Variants in SATB2 observed in about 807,000 individuals in gnomAD.
The protein encoded by SATB2 is DNA-binding protein SATB2.
In SATB2, 1 loss-of-function variant was observed where a neutral mutation model predicts 73.4. That is an observed-to-expected ratio of 0.01 (90% CI 0.00 to 0.06). The LOEUF is 0.06. SATB2 is among the 10% of genes least tolerant of loss of function. The pLI is 1.00. For synonymous variants in SATB2, 397 were observed against 367.0 expected (o/e 1.08, Z -0.93); for missense variants, 459 against 945.8 (o/e 0.49, Z 6.75).
chr2:199,433,893 C>T (rs1691576848), intron 2 of SATB2, among the ~76,000 whole-genome samples: 2 of 151,942 alleles, frequency 1.3e-5, no homozygotes, highest in South Asian at 2.1e-4. Flanking sequence ...TATTTCAAAG[C>T]TTCCAGTTGT....
At chr2:199,431,583 T>C (rs1445912455) in intron 3 of SATB2, among the ~76,000 whole-genome samples, 1 of 152,232 alleles carries the variant, frequency 6.6e-6, no homozygotes, top group Non-Finnish European at 1.5e-5. Flanking sequence ...TTTTGACTTG[T>C]TCCCTGTTTA....
intron 3 of SATB2, among the ~76,000 whole-genome samples, chr2:199,406,022 T>C (rs929262456): frequency 1.3e-5 from 2 of 152,116 alleles, no homozygotes; most frequent in Admixed American, 6.5e-5. Context: ...AAAAATACAG[T>C]ATAACACTTA....
upstream of SATB2, among the ~76,000 whole-genome samples, chr2:199,459,040 G>A (rs1692395900): frequency 6.6e-6 from 1 of 152,072 alleles, no homozygotes; most frequent in Admixed American, 6.5e-5. The surrounding 1 kb of genome is among the most constrained non-coding windows in gnomAD (Gnocchi z 4.2). Context: ...ATCCCTGGAT[G>A]GCATCGCTGG....
upstream of SATB2, chr2:199,468,380 T>G (rs1692633644): frequency 6.6e-6 from 1 of 152,190 alleles, no homozygotes; most frequent in Non-Finnish European, 1.5e-5. Context: ...GTGCACTTGT[T>G]TGTCCTAAAT....
chr2:199,380,351 T>C lies in SATB2; in HGVS notation c.597+13A>G. 1 of 1,613,894 alleles carries C rather than the reference T, an allele frequency of 6.2e-7. No homozygotes were observed. Among genetic ancestry groups the C allele is most frequent in the Non-Finnish European group, 8.5e-7 (1 of 1,179,794 alleles). ...TTCTTCTGTTTCCCAGACCCCCACC[T>C]GAAGATACTGACCTGGGAGAGAGGG... On this transcript the variant is annotated intron_variant, in intron 5 of 10. Coordinates refer to ENST00000417098, the MANE Select transcript of SATB2 (RefSeq NM_001172509.2).
At chr2:199,303,050 A>G (rs890217197) in intron 10 of SATB2, among the ~76,000 whole-genome samples, 1 of 152,210 alleles carries the variant, frequency 6.6e-6, no homozygotes. Context: ...AAGATCTCAT[A>G]AACAGCTCTG....
chr2:199,273,759 T>G (rs547593272), intron 10 of SATB2, among the ~76,000 whole-genome samples: 2 of 152,180 alleles, frequency 1.3e-5, no homozygotes, highest in Non-Finnish European at 2.9e-5. Context: ...AGTTTTCTAG[T>G]TGTAATTTAA....
chr2:199,412,406 A>C (rs1265151735), intron 3 of SATB2, among the ~76,000 whole-genome samples: 1 of 152,220 alleles, frequency 6.6e-6, no homozygotes, highest in Non-Finnish European at 1.5e-5. Flanking sequence ...CCCCAAATAA[A>C]GCTGAGAGAG....
At chr2:199,438,438 T>G (rs1015934289) in intron 2 of SATB2, among the ~76,000 whole-genome samples, 3 of 152,238 alleles carry the variant, frequency 2.0e-5, no homozygotes, top group Admixed American at 6.5e-5. Context: ...CACTCTTGGT[T>G]AAATTCCAAA....
intron 6 of SATB2, among the ~76,000 whole-genome samples, chr2:199,349,718 T>C (rs1688758333): frequency 6.6e-6 from 1 of 152,222 alleles, no homozygotes; most frequent in African/African-American, 2.4e-5. Context: ...CTATCTTTTT[T>C]ATAGAAATGT....
chr2:199,343,669 G>C (rs1197233981), intron 7 of SATB2, among the ~76,000 whole-genome samples: 2 of 152,150 alleles, frequency 1.3e-5, no homozygotes, highest in African/African-American at 2.4e-5. Context: ...TACACAACAG[G>C]TTATGATCCC....
intron 6 of SATB2, among the ~76,000 whole-genome samples, chr2:199,350,691 T>C (rs1318510299): frequency 2.0e-5 from 3 of 152,144 alleles, no homozygotes; most frequent in Admixed American, 1.3e-4. Context: ...TATCACCTTA[T>C]ATTTAGACAT....
intron 6 of SATB2, among the ~76,000 whole-genome samples, chr2:199,349,596 A>T (rs1463485054): frequency 6.6e-6 from 1 of 152,220 alleles, no homozygotes; most frequent in African/African-American, 2.4e-5. Context: ...ATCTCCTGCC[A>T]AATTAAGTGC....
Position 199,433,318 on chromosome 2 carries a change from G to A in SATB2, c.346+20C>T, listed in dbSNP as rs1403599984. On this transcript the variant is annotated intron_variant, in intron 3 of 10. Transcript: ENST00000417098. ...ATGACACACAAGAGACTTGGGAGGA[G>A]AGGGGAGAGGCATTAATACCTTGGG... 6.2e-7 allele frequency: 1 copy of A among 1,609,162 alleles called. No individual in the cohort carries two copies. The highest frequency in any genetic ancestry group is 1.7e-5 in the Admixed American group (1 of 59,862).
At chr2:199,291,555 C>G (rs1692860984) in intron 10 of SATB2, among the ~76,000 whole-genome samples, 1 of 152,082 alleles carries the variant, frequency 6.6e-6, no homozygotes. Flanking sequence ...TTGTCAGGGT[C>G]TCTATTGGAA....
In SATB2 at chr2:199,375,766, G is replaced by A. The variant is rs541815732; in HGVS notation, c.597+4598C>T. 9.8e-4 allele frequency among the ~76,000 whole-genome samples: 149 copies of A among 152,258 alleles called. 1 individual carries two copies. Among genetic ancestry groups the A allele is most frequent in the Admixed American group, 3.3e-3 (51 of 15,288 alleles). On this transcript the variant is annotated intron_variant, in intron 5 of 10. Transcript: ENST00000417098. ...CCACCTTTCTCACCTAAGGTGAGTAGTACTGGATGCCTCACTCTCTTCTTC... is the reference window on the plus strand; with the variant it reads ...CCACCTTTCTCACCTAAGGTGAGTAATACTGGATGCCTCACTCTCTTCTTC...
chr2:199,327,105 C>A (rs529651294), intron 8 of SATB2, among the ~76,000 whole-genome samples: 1 of 152,246 alleles, frequency 6.6e-6, no homozygotes, highest in African/African-American at 2.4e-5. Flanking sequence ...AGCAAAACAA[C>A]CTTTGGTTTT....
Position 199,432,772 on chromosome 2 carries a change from C to T in SATB2, c.346+566G>A, listed in dbSNP as rs115277220. On this transcript the variant is annotated intron_variant, in intron 3 of 10. Transcript: ENST00000417098. ...ACGGGCTCCCCAGTATTGTACAATA[C>T]GCACTGAAATAATGATGCAATTTTA... Among the ~76,000 whole-genome samples, 1,394 of 152,112 alleles carry T rather than the reference C, an allele frequency of 9.2e-3. 10 individuals carry two copies. Among genetic ancestry groups the T allele is most frequent in the Non-Finnish European group, 0.014 (979 of 67,992 alleles).
chr2:199,343,406 G>A (rs1688562945), intron 7 of SATB2, among the ~76,000 whole-genome samples: 3 of 152,218 alleles, frequency 2.0e-5, no homozygotes, highest in Admixed American at 2.0e-4. Context: ...TAGCTGGCAA[G>A]TCATTATATC....
Sources: gnomAD v4.1 joint callset for allele counts (sites outside exome capture counted in the v4.1 genomes callset) on GRCh38, gnomAD v4.1.1 for gene constraint, Gnocchi (gnomAD v3.1) non-coding constraint, MANE v1.5 for transcripts, NCBI Gene and HGNC (gene_info 2026-07-23, HGNC 2026-07-21) for gene names.